FRMD6: variants seen among roughly 807,000 people sequenced by gnomAD.
The protein encoded by FRMD6 is FERM domain containing 6.
A neutral mutation model predicts 73.2 loss-of-function variants in FRMD6; 37 were observed. The ratio of observed to expected loss-of-function variants is 0.51; its 90% CI spans 0.39 to 0.66. FRMD6 has a LOEUF of 0.66. Ranked by LOEUF, FRMD6 falls within the 30% of genes least tolerant of loss-of-function variation. The pLI is 0.00. For synonymous variants in FRMD6, 273 were observed against 282.2 expected, an observed-to-expected ratio of 0.97 and a Z score of 0.33; for missense variants, 714 against 780.5, an observed-to-expected ratio of 0.91 and a Z score of 1.02.
intron 12 of FRMD6, 88 bp downstream of exon 12, chr14:51,722,168 T>TCAGAAAATAGAA: frequency 6.9e-7 from 1 of 1,449,166 alleles, no homozygotes. Flanking sequence ...AGGGGTGAGC[T>TCAGAAAATAGAA]GGGGGCCCTA....
At chr14:51,618,295 C>T (rs1338421237) in intron 2 of FRMD6, among the ~76,000 whole-genome samples, 1 of 152,120 alleles carries the variant, frequency 6.6e-6, no homozygotes, top group Non-Finnish European at 1.5e-5. Context: ...TTTCAGATCA[C>T]TTTCAATACC....
Position 51,720,232 on chromosome 14 carries a change from C to T in FRMD6, c.1202C>T (p.Thr401Ile). ...SSHTSGIEAD[T>I]KPRDTGPEDS... ...CACACCTCGGGCATTGAGGCAGACA[C>T]CAAGCCCCGGGACACGGGGCCAGAA... Residue 401 changes from threonine (T) to isoleucine (I), a missense_variant, in exon 11 of 14, where the codon ACC becomes ATC. Coordinates refer to ENST00000344768, the MANE Select transcript of FRMD6 (RefSeq NM_001267046.2). The T allele has an allele frequency of 6.2e-7, 1 of 1,613,936 alleles. No individual in the cohort carries two copies.
chr14:51,641,907 A>G (rs1197777763), intron 2 of FRMD6, among the ~76,000 whole-genome samples: 1 of 135,714 alleles, frequency 7.4e-6, no homozygotes, highest in East Asian at 2.1e-4. Context: ...ACATTGCCAA[A>G]TGTTCTCGTA....
At chr14:51,450,534 A>G in the FRMD6 span, among the ~76,000 whole-genome samples, 15 of 152,166 alleles carry the variant, frequency 9.9e-5, no homozygotes, top group African/African-American at 3.4e-4. Context: ...TCGAGGAGAG[A>G]TGCAGGCTCC....
intron 2 of FRMD6, among the ~76,000 whole-genome samples, chr14:51,573,281 A>G (rs1423957507): frequency 6.6e-6 from 1 of 152,190 alleles, no homozygotes; most frequent in Non-Finnish European, 1.5e-5. Flanking sequence ...CTGGAAGGAA[A>G]GCAGGGGTTA....
At chr14:51,550,587 C>G (rs563642727) in intron 1 of FRMD6, among the ~76,000 whole-genome samples, 5,671 of 147,816 alleles carry the variant, frequency 0.038, 145 homozygotes, top group Non-Finnish European at 0.058. Flanking sequence ...GAGACCCCCC[C>G]GCCATGCTTA....
chr14:51,616,367 G>A (rs1890711430), intron 2 of FRMD6, among the ~76,000 whole-genome samples: 1 of 152,168 alleles, frequency 6.6e-6, no homozygotes, highest in Non-Finnish European at 1.5e-5. Flanking sequence ...AACAGGTCCT[G>A]GAGTGACTGT....
At chr14:51,429,742 C>T in the FRMD6 span, among the ~76,000 whole-genome samples, 3 of 152,188 alleles carry the variant, frequency 2.0e-5, no homozygotes, top group Non-Finnish European at 4.4e-5. Context: ...ATATTTTCCC[C>T]ATCTTATTTT....
At chr14:51,657,413 T>G (rs187028019) in intron 1 of FRMD6, among the ~76,000 whole-genome samples, 12 of 152,380 alleles carry the variant, frequency 7.9e-5, no homozygotes, top group Non-Finnish European at 1.2e-4. Flanking sequence ...TTATGCTGAC[T>G]TTTATTGTCA....
At chr14:51,687,071 C>T (rs1455617514) in intron 1 of FRMD6, among the ~76,000 whole-genome samples, 1 of 152,122 alleles carries the variant, frequency 6.6e-6, no homozygotes, top group African/African-American at 2.4e-5. Context: ...TTCAATAATC[C>T]TCTTCCAGTC....
chr14:51,448,179 T>G, the FRMD6 span, among the ~76,000 whole-genome samples: 1 of 152,272 alleles, frequency 6.6e-6, no homozygotes, highest in Non-Finnish European at 1.5e-5. Context: ...TTATTATCTC[T>G]TTGAATATTA....
At chr14:51,478,064 A>G in the FRMD6 span, among the ~76,000 whole-genome samples, 14 of 152,166 alleles carry the variant, frequency 9.2e-5, no homozygotes, top group Admixed American at 9.2e-4. Context: ...ATGTTATATG[A>G]CATGTTATAT....
At chr14:51,660,417 A>G (rs973135376) in intron 1 of FRMD6, among the ~76,000 whole-genome samples, 3 of 152,126 alleles carry the variant, frequency 2.0e-5, no homozygotes, top group African/African-American at 4.8e-5. Flanking sequence ...AGATTTTTCT[A>G]TCCTTCAAGC....
chr14:51,630,669 C>T (rs1301166594), intron 2 of FRMD6, among the ~76,000 whole-genome samples: 1 of 152,034 alleles, frequency 6.6e-6, no homozygotes, highest in Non-Finnish European at 1.5e-5. Flanking sequence ...ATCATTTGAG[C>T]CCAGGAGGTC....
intron 1 of FRMD6, among the ~76,000 whole-genome samples, chr14:51,685,953 C>T (rs1290088783): frequency 6.6e-6 from 1 of 152,060 alleles, no homozygotes; most frequent in Non-Finnish European, 1.5e-5. Context: ...TAAATTTTTG[C>T]CTTGTTTTTG....
intron 1 of FRMD6, among the ~76,000 whole-genome samples, chr14:51,523,867 AG>A (rs1338547503): frequency 3.3e-5 from 5 of 152,222 alleles, no homozygotes; most frequent in Non-Finnish European, 7.3e-5. Flanking sequence ...GCTCTATAAC[AG>A]TGTTGTTGAC....
At chr14:51,658,156 G>A (rs1892971851) in intron 1 of FRMD6, among the ~76,000 whole-genome samples, 1 of 152,178 alleles carries the variant, frequency 6.6e-6, no homozygotes, top group Non-Finnish European at 1.5e-5. Flanking sequence ...CCTGGAGGAT[G>A]GGTGCCCTTT....
the FRMD6 span, among the ~76,000 whole-genome samples, chr14:51,477,726 CTTTTCT>C: frequency 8.3e-6 from 1 of 119,800 alleles, no homozygotes; most frequent in Admixed American, 1.1e-4. Flanking sequence ...TTCTTTCTTT[CTTTTCT>C]TTTTCTTTTT....
chr14:51,721,918 C>T (rs757520765), intron 11 of FRMD6, 31 bp from the exon 12 acceptor site: 2 of 1,609,664 alleles, frequency 1.2e-6, no homozygotes, highest in Non-Finnish European at 1.7e-6. Flanking sequence ...CCCTTTTTGT[C>T]ATTAACTATC....
Sources: gnomAD v4.1 joint callset for allele counts (sites outside exome capture counted in the v4.1 genomes callset) on GRCh38, gnomAD v4.1.1 for gene constraint, MANE v1.5 for transcripts, NCBI Gene and HGNC (gene_info 2026-07-23, HGNC 2026-07-21) for gene names.